Variants in MICU3 observed in about 807,000 individuals in gnomAD.
The protein encoded by MICU3 is mitochondrial calcium uptake 3.
MICU3 carries 62 observed loss-of-function variants against 66.5 expected under a neutral mutation model. That is an observed-to-expected ratio of 0.93 (90% CI 0.76 to 1.15). The LOEUF (loss-of-function observed/expected upper bound fraction) is 1.15, where lower values mean the gene tolerates loss of function less well. Ranked by LOEUF, MICU3 falls within the 50% of genes most tolerant of loss-of-function variation. The pLI, the probability that MICU3 is intolerant of heterozygous loss-of-function variation, is 0.00. For synonymous variants in MICU3, 308 were observed against 240.7 expected, an observed-to-expected ratio of 1.28 and a Z score of -2.59; for missense variants, 779 against 664.4, an observed-to-expected ratio of 1.17 and a Z score of -1.90.
At chr8:17,126,571 A>G (rs751774587), downstream of MICU3, among the ~76,000 whole-genome samples, 7 of 152,206 alleles carry the variant, frequency 4.6e-5, no homozygotes, top group Non-Finnish European at 8.8e-5. Context: ...GTTATATTTA[A>G]TGAGCTGTTA....
intron 1 of MICU3, among the ~76,000 whole-genome samples, chr8:17,053,782 T>C (rs542480801): frequency 2.6e-5 from 4 of 152,256 alleles, no homozygotes; most frequent in Non-Finnish European, 4.4e-5. Context: ...ACAGAAGAAA[T>C]AGAGCTTTCT....
rs534536585 is a variant in MICU3 at position 17,104,861 on chromosome 8, A to G, written c.1085+370A>G. Among the ~76,000 whole-genome samples the G allele has an allele frequency of 1.9e-4, 16 of 83,448 alleles. 4 individuals are homozygous for G. The highest frequency in any genetic ancestry group is 4.4e-4 in the African/African-American group (4 of 9,148). The allele number at this position is 83,448 out of a possible 152,430, so 54.7% of individuals were successfully genotyped here. A position where few individuals can be genotyped will look rare whatever the true frequency, so the allele number is the denominator to read the frequency against. On this transcript the variant is annotated intron_variant, in intron 10 of 14. Coordinates refer to ENST00000318063, the MANE Select transcript of MICU3 (RefSeq NM_181723.3). ...ATACAAAAAATTAGCCGGGCGTGGT[A>G]GCGGGCGCCTGTAGTCCCAGCTACT...
chr8:17,032,674 T>C (rs1812293575), intron 1 of MICU3, among the ~76,000 whole-genome samples: 1 of 152,348 alleles, frequency 6.6e-6, no homozygotes, highest in East Asian at 1.9e-4. Context: ...TTTCCCAGAA[T>C]ATCGAAGAAT....
chr8:17,062,877 TAA>T (rs748885756), intron 1 of MICU3, among the ~76,000 whole-genome samples: 15 of 134,668 alleles, frequency 1.1e-4, no homozygotes, highest in Non-Finnish European at 1.3e-4. Context: ...AGACTCTGTC[TAA>T]AAAAAAAAAA....
At chr8:17,032,825 C>T (rs186112767) in intron 1 of MICU3, among the ~76,000 whole-genome samples, 36 of 152,248 alleles carry the variant, frequency 2.4e-4, no homozygotes, top group Middle Eastern at 6.8e-3. Flanking sequence ...ACATTATACG[C>T]GTACTTAATG....
intron 8 of MICU3, 126 bp from the exon 9 acceptor site, chr8:17,098,332 C>G: frequency 1.4e-6 from 1 of 705,192 alleles, no homozygotes; most frequent in Non-Finnish European, 2.5e-6. Flanking sequence ...GAAAACAAAA[C>G]AAACAAACAA....
intron 11 of MICU3, among the ~76,000 whole-genome samples, chr8:17,107,567 G>A (rs3915068): frequency 6.6e-6 from 1 of 151,844 alleles, no homozygotes; most frequent in Non-Finnish European, 1.5e-5. Flanking sequence ...AAACTTTAAA[G>A]CAGGAGTCAG....
the MICU3 span, among the ~76,000 whole-genome samples, chr8:17,136,058 T>G: frequency 6.6e-6 from 1 of 152,068 alleles, no homozygotes; most frequent in Admixed American, 6.6e-5. Flanking sequence ...GTTGAGATAA[T>G]TCACATAAAG....
intron 1 of MICU3, among the ~76,000 whole-genome samples, chr8:17,031,654 G>A (rs2517013): frequency 3.3e-5 from 5 of 152,028 alleles, no homozygotes. Flanking sequence ...CTATAGCTAA[G>A]AACTTCTGAT....
the MICU3 span, among the ~76,000 whole-genome samples, chr8:17,134,620 T>TA: frequency 2.6e-5 from 4 of 152,066 alleles, no homozygotes; most frequent in Non-Finnish European, 5.9e-5. Context: ...AATTTTTTTA[T>TA]TTTTTAGTAG....
intron 1 of MICU3, among the ~76,000 whole-genome samples, chr8:17,030,640 C>T (rs1811864307): frequency 6.6e-6 from 1 of 152,210 alleles, no homozygotes; most frequent in African/African-American, 2.4e-5. Context: ...TAGTAGTCTT[C>T]TGGAAGCAGG....
In MICU3 at chr8:17,092,386, C is replaced by A. The variant is rs953857102; in HGVS notation, c.888+1802C>A. ...TTAAACTACATATGCAAATTGCAGT[C>A]ACTGAGACATTAAGACAATATTGAG... On this transcript the variant is annotated intron_variant, in intron 8 of 14. Transcript: ENST00000318063. Among the ~76,000 whole-genome samples, 3 of 151,836 alleles carry A rather than the reference C, an allele frequency of 2.0e-5. No individual in the cohort carries two copies. The East Asian group carries it at 5.8e-4, about 29-fold the overall frequency.
intron 1 of MICU3, among the ~76,000 whole-genome samples, chr8:17,062,792 T>C (rs928172450): frequency 1.3e-5 from 2 of 151,392 alleles, no homozygotes; most frequent in African/African-American, 4.9e-5. Context: ...GGCAGGAGAG[T>C]CGCTTGAACC....
intron 7 of MICU3, 46 bp downstream of exon 7, chr8:17,087,081 A>G (rs763620157): frequency 1.7e-6 from 2 of 1,171,962 alleles, no homozygotes; most frequent in South Asian, 2.7e-5. Context: ...GTAGGCAACA[A>G]TTATTTTATT....
downstream of MICU3, among the ~76,000 whole-genome samples, chr8:17,127,258 A>G (rs769555552): frequency 2.0e-5 from 3 of 152,194 alleles, no homozygotes; most frequent in Non-Finnish European, 2.9e-5. Flanking sequence ...TTTCTCAAGT[A>G]AGTGAGTATC....
chr8:17,061,017 C>T (rs891947706), intron 1 of MICU3, among the ~76,000 whole-genome samples: 1 of 152,108 alleles, frequency 6.6e-6, no homozygotes, highest in Non-Finnish European at 1.5e-5. Flanking sequence ...CATACCCTTA[C>T]TTAGGTGGTT....
intron 11 of MICU3, among the ~76,000 whole-genome samples, chr8:17,107,568 C>G (rs1291511100): frequency 6.6e-6 from 1 of 151,974 alleles, no homozygotes; most frequent in African/African-American, 2.4e-5. Flanking sequence ...AACTTTAAAG[C>G]AGGAGTCAGC....
chr8:17,085,947 T>A (rs533425033), intron 6 of MICU3, among the ~76,000 whole-genome samples: 19 of 152,278 alleles, frequency 1.2e-4, no homozygotes, highest in African/African-American at 4.6e-4. Context: ...ATTTTGCATC[T>A]CTTTTTGTGA....
the MICU3 span, chr8:17,131,246 C>G: frequency 6.6e-6 from 1 of 152,194 alleles, no homozygotes; most frequent in East Asian, 1.9e-4. Flanking sequence ...TGAGATAGAG[C>G]TCCCAATATA....
Sources: gnomAD v4.1 joint callset for allele counts (sites outside exome capture counted in the v4.1 genomes callset) on GRCh38, gnomAD v4.1.1 for gene constraint, MANE v1.5 for transcripts, NCBI Gene and HGNC (gene_info 2026-07-23, HGNC 2026-07-21) for gene names.